Variants in CAMKMT observed in about 807,000 individuals in gnomAD.
CAMKMT encodes the protein CaM KMT.
A neutral mutation model predicts 48.0 loss-of-function variants in CAMKMT; 53 were observed. The ratio of observed to expected loss-of-function variants is 1.10; its 90% CI spans 0.89 to 1.39. CAMKMT has a LOEUF of 1.39. CAMKMT is among the 40% of genes most tolerant of loss of function. The pLI is 0.00. For synonymous variants in CAMKMT, 165 were observed against 152.3 expected, an observed-to-expected ratio of 1.08 and a Z score of -0.61; for missense variants, 428 against 402.7, an observed-to-expected ratio of 1.06 and a Z score of -0.54.
chr2:44,585,375 A>T (rs554924623), intron 3 of CAMKMT, among the ~76,000 whole-genome samples: 1 of 152,368 alleles, frequency 6.6e-6, no homozygotes, highest in South Asian at 2.1e-4. Context: ...ATTTTGATTC[A>T]GCCACACATG....
chr2:44,715,191 T>G lies in CAMKMT; in HGVS notation c.557-96T>G, dbSNP rs1678107383. ...CTGGGCAACAGAGCGAGACCCTGTC[T>G]CAAAAAAAAAAAAAAAAAAAAGATA... On this transcript the variant is annotated intron_variant, in intron 6 of 10. Coordinates refer to ENST00000378494, the MANE Select transcript of CAMKMT (RefSeq NM_024766.5). 5 of 606,842 alleles carry G rather than the reference T, an allele frequency of 8.2e-6. No homozygotes were observed. In the South Asian group the frequency reaches 8.6e-5, roughly 10 times the overall value. 37.6% of individuals were successfully genotyped at this position (606,842 alleles called of 1,614,324 possible). A position where few individuals can be genotyped will look rare whatever the true frequency, so the allele number is the denominator to read the frequency against.
At chr2:44,758,089 G>T (rs1346757559) in intron 9 of CAMKMT, among the ~76,000 whole-genome samples, 3 of 152,198 alleles carry the variant, frequency 2.0e-5, no homozygotes. Flanking sequence ...GGTCCCCACG[G>T]AGTGGGGGAG....
At chr2:44,575,278 C>T (rs1225941291) in intron 3 of CAMKMT, among the ~76,000 whole-genome samples, 3 of 151,922 alleles carry the variant, frequency 2.0e-5, no homozygotes, top group Admixed American at 6.6e-5. Flanking sequence ...GGGGTTTTGT[C>T]ATGTTGGCCA....
intron 3 of CAMKMT, among the ~76,000 whole-genome samples, chr2:44,654,160 A>G (rs541334589): frequency 6.6e-6 from 1 of 152,220 alleles, no homozygotes; most frequent in Non-Finnish European, 1.5e-5. Flanking sequence ...AACATTTCAA[A>G]TAGGATTCCT....
In CAMKMT at chr2:44,719,380, C is replaced by A. The variant is rs1237505026; in HGVS notation, c.623+4027C>A. Among the ~76,000 whole-genome samples the A allele has an allele frequency of 3.9e-5, 6 of 152,126 alleles. No individual in the cohort carries two copies. In the South Asian group the frequency reaches 1.2e-3, roughly 32 times the overall value. ...TTTGTTTGCATGTTCACTGGTTTAT[C>A]TACTTGTTGACAAATATTTTGACCA... On this transcript the variant is annotated intron_variant, in intron 7 of 10. Transcript: ENST00000378494.
chr2:44,550,750 T>C (rs540066446), intron 3 of CAMKMT: 2 of 152,334 alleles, frequency 1.3e-5, no homozygotes, highest in East Asian at 3.9e-4. Flanking sequence ...ACTTCCTCTT[T>C]ACAAGTTGTT....
At chr2:44,497,758 G>C (rs1669824979) in intron 3 of CAMKMT, among the ~76,000 whole-genome samples, 2 of 140,686 alleles carry the variant, frequency 1.4e-5, no homozygotes, top group East Asian at 2.2e-4. Flanking sequence ...AGTATATGAA[G>C]GGCTATAGGC....
intron 3 of CAMKMT, among the ~76,000 whole-genome samples, chr2:44,666,268 G>A (rs1674961149): frequency 6.6e-6 from 1 of 152,212 alleles, no homozygotes; most frequent in Non-Finnish European, 1.5e-5. Flanking sequence ...GTTTCATCAA[G>A]TCATTGATTT....
chr2:44,742,056 AC>A (rs1679706518), intron 7 of CAMKMT, among the ~76,000 whole-genome samples: 1 of 152,122 alleles, frequency 6.6e-6, no homozygotes, highest in African/African-American at 2.4e-5. Context: ...TATACTTTAA[AC>A]CATCTTGCTC....
intron 3 of CAMKMT, among the ~76,000 whole-genome samples, chr2:44,592,247 CA>C (rs1436713478): frequency 1.3e-5 from 2 of 151,908 alleles, no homozygotes; most frequent in African/African-American, 2.4e-5. Flanking sequence ...ACTACGAATT[CA>C]TTTTTTTTAT....
intron 3 of CAMKMT, among the ~76,000 whole-genome samples, chr2:44,477,497 C>T (rs983196346): frequency 6.6e-6 from 1 of 152,166 alleles, no homozygotes; most frequent in Non-Finnish European, 1.5e-5. Flanking sequence ...ACATAAACTA[C>T]AGTAACTCAA....
intron 3 of CAMKMT, among the ~76,000 whole-genome samples, chr2:44,461,804 A>T (rs1223037484): frequency 6.6e-6 from 1 of 152,234 alleles, no homozygotes; most frequent in East Asian, 1.9e-4. Context: ...GCTAGTTAGA[A>T]TGATAATACG....
intron 3 of CAMKMT, among the ~76,000 whole-genome samples, chr2:44,598,193 C>T (rs1670779981): frequency 2.0e-5 from 3 of 152,156 alleles, no homozygotes; most frequent in South Asian, 4.1e-4. Context: ...ATAGCCTACA[C>T]TTGTAATATA....
intron 3 of CAMKMT, among the ~76,000 whole-genome samples, chr2:44,681,591 C>T (rs1331339873): frequency 6.7e-6 from 1 of 150,032 alleles, no homozygotes; most frequent in Non-Finnish European, 1.5e-5. Context: ...GAAGCAAGAG[C>T]AAGGTCCTTT....
chr2:44,588,304 G>GGGGGGGGTCAGCCCCCCGTCCGGGAGGGA (rs1670016419), intron 3 of CAMKMT, among the ~76,000 whole-genome samples: 4 of 31,504 alleles, frequency 1.3e-4, no homozygotes, highest in African/African-American at 6.4e-4. Context: ...CCGGGAGGGA[G>GGGGGGGGTCAGCCCCCCGTCCGGGAGGGA]GGGGGGGGTC....
intron 7 of CAMKMT, among the ~76,000 whole-genome samples, chr2:44,718,679 C>T (rs560668440): frequency 1.3e-5 from 2 of 152,248 alleles, no homozygotes; most frequent in East Asian, 3.9e-4. Flanking sequence ...TAGTGAATAG[C>T]GTCATTCTCT....
intron 3 of CAMKMT, among the ~76,000 whole-genome samples, chr2:44,444,317 A>G (rs924997098): frequency 4.6e-5 from 7 of 152,222 alleles, no homozygotes; most frequent in Non-Finnish European, 8.8e-5. Flanking sequence ...GGATATGTGA[A>G]TGACAGTATT....
chr2:44,683,822 C>CAAAAAAAAAAAAAAAAAAAA (rs10644183), intron 3 of CAMKMT, among the ~76,000 whole-genome samples: 19 of 70,844 alleles, frequency 2.7e-4, no homozygotes, highest in South Asian at 6.7e-4. Flanking sequence ...GACTCTGTCT[C>CAAAAAAAAAAAAAAAAAAAA]AAAAAAAAAA....
At chr2:44,592,840 A>G (rs1434848767) in intron 3 of CAMKMT, among the ~76,000 whole-genome samples, 2 of 152,092 alleles carry the variant, frequency 1.3e-5, no homozygotes, top group African/African-American at 4.8e-5. Flanking sequence ...GGCCTAGAAT[A>G]TGGTCTAGCT....
Sources: allele counts gnomAD v4.1 joint callset (sites outside exome capture counted in the v4.1 genomes callset), GRCh38; gene constraint gnomAD v4.1.1; transcripts MANE v1.5; gene names NCBI Gene and HGNC (gene_info 2026-07-23, HGNC 2026-07-21).